The following ST3GAL1 variants were observed in gnomAD, a reference collection of about 807,000 sequenced individuals.
ST3GAL1 encodes CMP-N-acetylneuraminate-beta-galactosamide-alpha-2,3-sialyltransferase 1.
A neutral mutation model predicts 34.1 loss-of-function variants in ST3GAL1; 16 were observed. The observed-to-expected ratio is 0.47, with a 90% CI of 0.32 to 0.71. The LOEUF (loss-of-function observed/expected upper bound fraction) is 0.71, where lower values mean the gene tolerates loss of function less well. Among genes scored for constraint, ST3GAL1 ranks in the 30% least tolerant of loss-of-function variants. ST3GAL1 has a pLI of 0.04. For missense variants in ST3GAL1, 353 were observed against 447.4 expected (o/e 0.79, Z 1.90); for synonymous variants, 191 against 184.7 (o/e 1.03, Z -0.28).
intron 3 of ST3GAL1, among the ~76,000 whole-genome samples, chr8:133,479,281 G>A (rs893374854): frequency 2.0e-5 from 3 of 152,190 alleles, no homozygotes; most frequent in Admixed American, 6.5e-5. Context: ...AGACCCTGTG[G>A]AGCAAAGGAG....
intron 2 of ST3GAL1, among the ~76,000 whole-genome samples, chr8:133,537,715 C>T (rs998366564): frequency 2.1e-4 from 32 of 152,150 alleles, no homozygotes; most frequent in African/African-American, 7.7e-4. Flanking sequence ...GGGATTGGCC[C>T]CACTGAATCA....
intron 1 of ST3GAL1, among the ~76,000 whole-genome samples, chr8:133,566,027 G>T (rs1819388154): frequency 6.6e-6 from 1 of 152,242 alleles, no homozygotes; most frequent in Admixed American, 6.5e-5. Flanking sequence ...GGCCAGCCAG[G>T]CCACATAGGA....
chr8:133,562,777 G>GTT lies in ST3GAL1; in HGVS notation c.-582+8914_-582+8915dup, dbSNP rs1819265634. Among the ~76,000 whole-genome samples the GTT allele has an allele frequency of 2.1e-5, 3 of 142,428 alleles. No individual in the cohort carries two copies. In the South Asian group the frequency reaches 7.1e-4, roughly 34 times the overall value. The allele number at this position is 142,428 out of a possible 152,430, so 93.4% of individuals were successfully genotyped here. On this transcript the variant is annotated intron_variant, in intron 1 of 9. Transcript: ENST00000522652. ...AGTCTTCTAAGGATCTAAGAAAAGGGTTTCTTTCTTTCTTTCTTTCCTTCC... is the reference window on the plus strand; with the variant it reads ...AGTCTTCTAAGGATCTAAGAAAAGGGTTTTTCTTTCTTTCTTTCTTTCCTTCC...
intron 6 of ST3GAL1, chr8:133,465,656 T>C: frequency 2.4e-6 from 1 of 413,058 alleles, no homozygotes; most frequent in Non-Finnish European, 4.2e-6. Flanking sequence ...ACGGGGGACC[T>C]CCCGTGTATG....
At chr8:133,492,836 C>A (rs950845871) in intron 3 of ST3GAL1, among the ~76,000 whole-genome samples, 5 of 152,254 alleles carry the variant, frequency 3.3e-5, no homozygotes, top group African/African-American at 9.6e-5. Flanking sequence ...CCATACCCCA[C>A]CTCGGGGAGC....
chr8:133,462,174 GA>G lies in ST3GAL1; in HGVS notation c.730-181del. Reference sequence around the variant, plus strand: ...TGGACACTCATCCACATCACTAAGAGACAGAGGTGCTGAGCTAATAAGTGCT... The same window carrying G: ...TGGACACTCATCCACATCACTAAGAGCAGAGGTGCTGAGCTAATAAGTGCT... On this transcript the variant is annotated intron_variant, in intron 8 of 9. Coordinates refer to ENST00000522652, the MANE Select transcript of ST3GAL1 (RefSeq NM_173344.3). Among the ~76,000 whole-genome samples the G allele has an allele frequency of 2.0e-5, 3 of 152,330 alleles. No homozygotes were observed. The South Asian group carries it at 6.2e-4, about 32-fold the overall frequency.
At chr8:133,555,370 T>C (rs1209078841) in intron 1 of ST3GAL1, among the ~76,000 whole-genome samples, 5 of 152,070 alleles carry the variant, frequency 3.3e-5, no homozygotes, top group Non-Finnish European at 7.4e-5. Flanking sequence ...TCCAAGTCAC[T>C]TTCCATGTGT....
intron 2 of ST3GAL1, among the ~76,000 whole-genome samples, chr8:133,529,253 T>C (rs1250383481): frequency 1.3e-5 from 2 of 152,166 alleles, no homozygotes; most frequent in African/African-American, 4.8e-5. Flanking sequence ...CCTGTGGAAT[T>C]TGGCATCTAC....
intron 1 of ST3GAL1, among the ~76,000 whole-genome samples, chr8:133,569,505 G>A (rs1023587146): frequency 6.6e-6 from 1 of 152,148 alleles, no homozygotes; most frequent in Non-Finnish European, 1.5e-5. Context: ...AAACTGAGAC[G>A]CCGAGAGGTT....
intron 3 of ST3GAL1, among the ~76,000 whole-genome samples, chr8:133,497,456 ATTTTTTTT>A (rs1159737986): frequency 1.5e-4 from 3 of 20,382 alleles, no homozygotes; most frequent in African/African-American, 6.5e-4. Flanking sequence ...TTTTGTTGGA[ATTTTTTTT>A]TTTTTTTTTT....
At position 133,557,697 on chromosome 8, in the gene ST3GAL1, A is replaced by G. The variant is rs190014608; in HGVS notation, c.-581-11771T>C. On this transcript the variant is annotated intron_variant, in intron 1 of 9. Transcript: ENST00000522652. Reference sequence around the variant, plus strand: ...ACCCTGTCTCTACTAAAAATACAAAAATTAGCCAGGCGTGGTGGCGCGTGC... The same window carrying G: ...ACCCTGTCTCTACTAAAAATACAAAGATTAGCCAGGCGTGGTGGCGCGTGC... Among the ~76,000 whole-genome samples, 158 of 152,208 alleles carry G rather than the reference A, an allele frequency of 1.0e-3. 1 individual carries two copies. Among genetic ancestry groups the G allele is most frequent in the African/African-American group, 3.2e-3 (132 of 41,524 alleles).
At chr8:133,468,851 C>T (rs1427215893) in intron 5 of ST3GAL1, among the ~76,000 whole-genome samples, 1 of 152,182 alleles carries the variant, frequency 6.6e-6, no homozygotes, top group East Asian at 1.9e-4. Context: ...GGGGGGACTA[C>T]ACTCTGAGAG....
rs34563134 is a variant in ST3GAL1 at position 133,456,020 on chromosome 8, CTT to C, written c.*3742_*3743del. ...AGATCTTAACTGCCCTCTCCACCTT[CTT>C]TTTTTTTTTCCCTCCTATTTTACAT... On this transcript the variant is annotated 3_prime_UTR_variant, in exon 10 of 10. Coordinates refer to ENST00000522652, the MANE Select transcript of ST3GAL1 (RefSeq NM_173344.3). 0.014 allele frequency: 2,149 copies of C among 149,802 alleles called. 53 individuals carry two copies. Among genetic ancestry groups the C allele is most frequent in the African/African-American group, 0.049 (2,013 of 40,928 alleles). 9.3% of individuals were successfully genotyped at this position (149,802 alleles called of 1,614,324 possible).
intron 1 of ST3GAL1, among the ~76,000 whole-genome samples, chr8:133,554,096 AG>A (rs968210554): frequency 2.6e-5 from 4 of 152,156 alleles, no homozygotes; most frequent in Non-Finnish European, 5.9e-5. Context: ...TCAAAGGTGG[AG>A]GATTTCTGTC....
intron 1 of ST3GAL1, among the ~76,000 whole-genome samples, chr8:133,552,067 T>G (rs1407728082): frequency 2.0e-5 from 3 of 152,230 alleles, no homozygotes; most frequent in Non-Finnish European, 4.4e-5. Flanking sequence ...AGCCTTGCAC[T>G]GGGCTGGGCC....
chr8:133,541,112 T>TAGAGAGAGAGAGAGAGAG lies in ST3GAL1; in HGVS notation c.-429+4661_-429+4662insCTCTCTCTCTCTCTCTCT, dbSNP rs1438213053. ...ATATATAAACATATATATATATATA[T>TAGAGAGAGAGAGAGAGAG]ATATATATAGAGAGAGAGAGAGAGA... is the stretch of plus-strand genomic sequence containing the variant. On this transcript the variant is annotated intron_variant, in intron 2 of 9. Transcript: ENST00000522652. Among the ~76,000 whole-genome samples the TAGAGAGAGAGAGAGAGAG allele has an allele frequency of 9.8e-5, 4 of 40,728 alleles. 1 individual carries two copies. The East Asian group carries it at 1.3e-3, about 13-fold the overall frequency. The allele number at this position is 40,728 out of a possible 152,430, so 26.7% of individuals were successfully genotyped here. A position where few individuals can be genotyped will look rare whatever the true frequency, so the allele number is the denominator to read the frequency against.
intron 1 of ST3GAL1, among the ~76,000 whole-genome samples, chr8:133,564,323 C>A (rs572270729): frequency 6.6e-6 from 1 of 152,302 alleles, no homozygotes; most frequent in South Asian, 2.1e-4. Context: ...GTAATGAGTA[C>A]ACACTTTGTT....
chr8:133,540,920 CATAT>C (rs750473442), intron 2 of ST3GAL1, among the ~76,000 whole-genome samples: 2 of 39,652 alleles, frequency 5.0e-5, no homozygotes, highest in African/African-American at 3.4e-4. Context: ...TATATATAGA[CATAT>C]ATATATAGAC....
chr8:133,570,172 ACACC>A lies in ST3GAL1; in HGVS notation c.-582+1517_-582+1520del, dbSNP rs1315815408. The A allele has an allele frequency of 6.6e-6, 1 of 152,020 alleles. No individual in the cohort carries two copies. Among genetic ancestry groups the A allele is most frequent in the Non-Finnish European group, 1.5e-5 (1 of 68,012 alleles). 9.4% of individuals were successfully genotyped at this position (152,020 alleles called of 1,614,324 possible). On this transcript the variant is annotated intron_variant, in intron 1 of 9. Coordinates refer to ENST00000522652, the MANE Select transcript of ST3GAL1 (RefSeq NM_173344.3). The surrounding 1 kb of genome is among the most constrained non-coding windows in gnomAD (Gnocchi z 5.6). ...CTCCCGTCTCTTCCTCTCACCACAC[ACACC>A]CAGCCGCAGAGCGGGGGTGGGCGCT...
Sources: gnomAD v4.1 joint callset for allele counts (sites outside exome capture counted in the v4.1 genomes callset) on GRCh38, gnomAD v4.1.1 for gene constraint, Gnocchi (gnomAD v3.1) non-coding constraint, MANE v1.5 for transcripts, NCBI Gene and HGNC (gene_info 2026-07-23, HGNC 2026-07-21) for gene names.